Variants in BLTP1 observed in about 807,000 individuals in gnomAD.
The protein encoded by BLTP1 is bridge-like lipid transfer protein family member 1.
chr4:122,286,927 A>G, the BLTP1 span: 1 of 711,804 alleles, frequency 1.4e-6, no homozygotes, highest in Non-Finnish European at 2.3e-6. Context: ...ATACCAAATC[A>G]AGTGTGTGTG....
chr4:122,182,824 T>C, the BLTP1 span: 2 of 984,700 alleles, frequency 2.0e-6, no homozygotes, highest in Admixed American at 6.2e-5. Flanking sequence ...CATTTCCCTC[T>C]TTCTTTTTTT....
chr4:122,353,151 A>G, the BLTP1 span: 1 of 1,613,212 alleles, frequency 6.2e-7, no homozygotes, highest in East Asian at 2.2e-5. The surrounding 1 kb of genome is among the most constrained non-coding windows in gnomAD (Gnocchi z 4.3). Context: ...AAATCTGGGA[A>G]GATGGTAAAC....
At chr4:122,193,467 A>G in the BLTP1 span, 44,303 of 182,902 alleles carry the variant, frequency 0.24, 5,779 homozygotes, top group African/African-American at 0.31. Context: ...TTCTATAGTT[A>G]TAGTCTATAG....
the BLTP1 span, chr4:122,281,354 C>G: frequency 2.0e-6 from 2 of 978,282 alleles, no homozygotes; most frequent in South Asian, 4.7e-5. Context: ...TTCTTGTCTA[C>G]TTTTCCATAT....
the BLTP1 span, among the ~76,000 whole-genome samples, chr4:122,205,324 C>A: frequency 1.7e-4 from 26 of 151,738 alleles, no homozygotes; most frequent in African/African-American, 1.7e-4. Context: ...TTACATAAAT[C>A]GTCTGAATTC....
At chr4:122,187,167 C>T in the BLTP1 span, 1 of 984,150 alleles carries the variant, frequency 1.0e-6, no homozygotes, top group African/African-American at 1.7e-5. Context: ...ATAGTTTTGT[C>T]ATTAAAGCTT....
chr4:122,249,831 T>TGC, the BLTP1 span: 2 of 1,414,428 alleles, frequency 1.4e-6, no homozygotes, highest in Non-Finnish European at 1.9e-6. Flanking sequence ...CGGGGGTGAG[T>TGC]GCCTCATACC....
the BLTP1 span, among the ~76,000 whole-genome samples, chr4:122,206,673 T>C: frequency 4.1e-4 from 63 of 151,930 alleles, no homozygotes; most frequent in African/African-American, 1.5e-3. Context: ...TGAGCTATTA[T>C]GCCAAATTTA....
the BLTP1 span, among the ~76,000 whole-genome samples, chr4:122,257,810 A>G: frequency 2.6e-5 from 4 of 152,224 alleles, no homozygotes; most frequent in Non-Finnish European, 5.9e-5. Flanking sequence ...CAAGTAAGTG[A>G]TAATGATTAG....
the BLTP1 span, chr4:122,234,951 A>G: frequency 5.6e-6 from 9 of 1,613,658 alleles, no homozygotes; most frequent in Middle Eastern, 1.6e-4. Context: ...AGAGTCTGAT[A>G]TGTATTATGG....
chr4:122,167,015 G>GAT, the BLTP1 span, among the ~76,000 whole-genome samples: 2 of 151,968 alleles, frequency 1.3e-5, no homozygotes, highest in Non-Finnish European at 2.9e-5. Flanking sequence ...TTTACTTTCT[G>GAT]TCCCTTAGTT....
At chr4:122,200,847 C>T in the BLTP1 span, 1 of 797,854 alleles carries the variant, frequency 1.3e-6, no homozygotes, top group Non-Finnish European at 1.5e-6. Flanking sequence ...TGGATATTGA[C>T]CTTCAGCCAC....
the BLTP1 span, chr4:122,331,214 A>G: frequency 7.0e-7 from 1 of 1,437,074 alleles, no homozygotes; most frequent in Non-Finnish European, 9.1e-7. Context: ...GTGAATTTAC[A>G]AAATAGTAAA....
At chr4:122,187,835 G>T in the BLTP1 span, 1 of 1,495,610 alleles carries the variant, frequency 6.7e-7, no homozygotes, top group South Asian at 1.3e-5. Flanking sequence ...GCTAAAGAAA[G>T]AAATATGGCC....
At chr4:122,249,420 G>GT in the BLTP1 span, 1 of 1,576,566 alleles carries the variant, frequency 6.3e-7, no homozygotes, top group Non-Finnish European at 8.6e-7. Flanking sequence ...ATGTCCAAAT[G>GT]TTTGTGTTTT....
the BLTP1 span, among the ~76,000 whole-genome samples, chr4:122,191,102 A>G: frequency 6.6e-5 from 10 of 152,204 alleles, no homozygotes; most frequent in African/African-American, 2.4e-4. Flanking sequence ...TTGATTAAGC[A>G]ATAGAAATTA....
the BLTP1 span, chr4:122,215,488 G>C: frequency 1.0e-6 from 1 of 985,304 alleles, no homozygotes; most frequent in South Asian, 4.7e-5. Flanking sequence ...CAGCTGTTTG[G>C]GGAGAAGGTG....
At chr4:122,192,725 A>G in the BLTP1 span, among the ~76,000 whole-genome samples, 3 of 152,230 alleles carry the variant, frequency 2.0e-5, no homozygotes, top group South Asian at 2.1e-4. Context: ...TGTTGGGACT[A>G]TGGGAATTCA....
At chr4:122,154,612 G>A in the BLTP1 span, among the ~76,000 whole-genome samples, 7 of 152,100 alleles carry the variant, frequency 4.6e-5, no homozygotes, top group East Asian at 1.9e-4. Flanking sequence ...GGTGGCTCAC[G>A]CCTGTAATCC....
Sources: gnomAD v4.1 joint callset for allele counts (sites outside exome capture counted in the v4.1 genomes callset) on GRCh38, gnomAD v4.1.1 for gene constraint, Gnocchi (gnomAD v3.1) non-coding constraint, MANE v1.5 for transcripts, NCBI Gene and HGNC (gene_info 2026-07-23, HGNC 2026-07-21) for gene names.